The following C9orf85 variants were observed in gnomAD, a reference collection of about 807,000 sequenced individuals.
The protein encoded by C9orf85 is uncharacterized protein C9orf85.
C9orf85 carries 16 observed loss-of-function variants against 14.9 expected under a neutral mutation model. The observed-to-expected ratio is 1.08, with a 90% CI of 0.73 to 1.63. The LOEUF (loss-of-function observed/expected upper bound fraction) is 1.63. C9orf85 is among the 40% of genes most tolerant of loss of function. The pLI, the probability that C9orf85 is intolerant of heterozygous loss-of-function variation, is 0.00. For synonymous variants in C9orf85, 45 were observed against 56.8 expected, an observed-to-expected ratio of 0.79 and a Z score of 0.93; for missense variants, 172 against 186.1, an observed-to-expected ratio of 0.92 and a Z score of 0.44.
At chr9:71,927,129 T>C (rs951917233) in intron 1 of C9orf85, among the ~76,000 whole-genome samples, 1 of 152,006 alleles carries the variant, frequency 6.6e-6, no homozygotes, top group Non-Finnish European at 1.5e-5. Context: ...ATCAGACTTC[T>C]CATCTATTAT....
At chr9:71,949,070 C>T (rs574449450) in intron 2 of C9orf85, among the ~76,000 whole-genome samples, 49 of 152,256 alleles carry the variant, frequency 3.2e-4, no homozygotes, top group African/African-American at 1.1e-3. Flanking sequence ...AGTTAATAGG[C>T]CTCATACAAG....
chr9:71,951,663 G>A (rs1822248858), intron 2 of C9orf85, among the ~76,000 whole-genome samples: 1 of 152,102 alleles, frequency 6.6e-6, no homozygotes, highest in African/African-American at 2.4e-5. Context: ...ATAAGAATTA[G>A]GGTTCAGGAA....
downstream of C9orf85, chr9:71,985,569 C>T (rs1823196863): frequency 6.6e-6 from 1 of 152,216 alleles, no homozygotes; most frequent in Non-Finnish European, 1.5e-5. Flanking sequence ...GTTTGCAAAC[C>T]ACTGGTCTAG....
chr9:71,919,708 A>G, intron 1 of C9orf85, among the ~76,000 whole-genome samples: 1 of 152,144 alleles, frequency 6.6e-6, no homozygotes, highest in South Asian at 2.1e-4. Flanking sequence ...TGCTTTGAAG[A>G]ATTGTAATCC....
chr9:71,965,561 C>G (rs1489562344), intron 2 of C9orf85, among the ~76,000 whole-genome samples: 2 of 152,028 alleles, frequency 1.3e-5, no homozygotes, highest in Non-Finnish European at 2.9e-5. Context: ...GCTGGGACTA[C>G]TACACTCTGG....
At position 71,972,928 on chromosome 9, in the gene C9orf85, G is replaced by C; in HGVS notation, c.*86G>C. 2.7e-6 allele frequency: 3 copies of C among 1,123,688 alleles called. No homozygotes were observed. In the East Asian group the frequency reaches 9.0e-5, roughly 34 times the overall value. 69.6% of individuals were successfully genotyped at this position (1,123,688 alleles called of 1,614,324 possible). ...GGAGGCCAAGGAGGGTGGATCACCT[G>C]AGGTCAGGAGTTCGAGACCAGCCTG... On this transcript the variant is annotated 3_prime_UTR_variant, in exon 4 of 4. Coordinates refer to ENST00000334731, the MANE Select transcript of C9orf85 (RefSeq NM_182505.5).
At chr9:71,938,201 G>C (rs981643915) in intron 1 of C9orf85, among the ~76,000 whole-genome samples, 6 of 152,042 alleles carry the variant, frequency 3.9e-5, no homozygotes, top group Non-Finnish European at 8.8e-5. Flanking sequence ...TAGTAGGGGT[G>C]TTCTGTCTGT....
At chr9:71,974,078 C>A (rs943897717), downstream of C9orf85, among the ~76,000 whole-genome samples, 1 of 151,498 alleles carries the variant, frequency 6.6e-6, no homozygotes, top group East Asian at 1.9e-4. Context: ...AGGTGCCCGC[C>A]ACCACGCCCA....
chr9:71,943,207 A>AATTGGC (rs1821984777), intron 1 of C9orf85, among the ~76,000 whole-genome samples: 1 of 152,090 alleles, frequency 6.6e-6, no homozygotes, highest in Admixed American at 6.5e-5. Context: ...TTAGCATTGG[A>AATTGGC]ATTGGCATTG....
At chr9:71,969,162 G>C (rs1822788610) in intron 2 of C9orf85, among the ~76,000 whole-genome samples, 1 of 152,262 alleles carries the variant, frequency 6.6e-6, no homozygotes, top group African/African-American at 2.4e-5. Context: ...TCTTTGAAGA[G>C]AAACTTAGAA....
chr9:71,949,350 A>T (rs1171639686), intron 2 of C9orf85, among the ~76,000 whole-genome samples: 1 of 152,204 alleles, frequency 6.6e-6, no homozygotes, highest in Non-Finnish European at 1.5e-5. Flanking sequence ...GTTTATCTTC[A>T]TTTTAAATGT....
chr9:71,928,119 G>T (rs374074405), intron 1 of C9orf85, among the ~76,000 whole-genome samples: 4 of 146,572 alleles, frequency 2.7e-5, no homozygotes, highest in Non-Finnish European at 4.4e-5. Context: ...CCCAGGAGGC[G>T]GAGGTTACAG....
intron 3 of C9orf85, 43 bp from the exon 4 acceptor site, chr9:71,972,649 G>A (rs1412712605): frequency 2.1e-6 from 3 of 1,424,292 alleles, no homozygotes; most frequent in Admixed American, 2.1e-5. Flanking sequence ...GTTAAATAAT[G>A]ATAGCCTGGG....
intron 1 of C9orf85, among the ~76,000 whole-genome samples, chr9:71,932,897 A>G (rs1828104204): frequency 1.3e-5 from 2 of 152,176 alleles, no homozygotes; most frequent in South Asian, 4.1e-4. Flanking sequence ...ATATATGAAT[A>G]AAATGTAAAT....
intron 1 of C9orf85, chr9:71,918,432 C>T (rs2132249061): frequency 2.3e-6 from 3 of 1,303,170 alleles, no homozygotes; most frequent in Non-Finnish European, 3.0e-6. Context: ...AAGTCTTTAT[C>T]TGCAAACTCT....
At chr9:71,982,523 C>A in intron 3 of C9orf85, 1 of 341,154 alleles carries the variant, frequency 2.9e-6, no homozygotes, top group South Asian at 2.3e-5. Flanking sequence ...GAGGACTCCA[C>A]ACTGAGGAGG....
chr9:71,971,477 T>A, intron 2 of C9orf85, 28 bp from the exon 3 acceptor site: 1 of 1,300,936 alleles, frequency 7.7e-7, no homozygotes, highest in Non-Finnish European at 1.1e-6. Flanking sequence ...TAAACATAAA[T>A]AAGTTAACAT....
At chr9:71,928,052 T>C (rs1234033484) in intron 1 of C9orf85, among the ~76,000 whole-genome samples, 1 of 152,056 alleles carries the variant, frequency 6.6e-6, no homozygotes, top group Non-Finnish European at 1.5e-5. Context: ...TAGAGCATGG[T>C]AGCACATTCC....
chr9:71,975,565 C>G (rs4744650), downstream of C9orf85, among the ~76,000 whole-genome samples: 150,853 of 152,348 alleles, frequency 0.99, 74,713 homozygotes, highest in Middle Eastern at 1. Flanking sequence ...GGGCGTGTTG[C>G]CTCACGCCTG....
Sources: allele counts gnomAD v4.1 joint callset (sites outside exome capture counted in the v4.1 genomes callset), GRCh38; gene constraint gnomAD v4.1.1; transcripts MANE v1.5; gene names NCBI Gene and HGNC (gene_info 2026-07-23, HGNC 2026-07-21).